The following USH2A variants were observed in gnomAD, a reference collection of about 807,000 sequenced individuals.
USH2A encodes usherin.
USH2A carries 443 observed loss-of-function variants against 538.9 expected under a neutral mutation model. The observed-to-expected ratio is 0.82, with a 90% confidence interval of 0.76 to 0.89. The LOEUF is 0.89. USH2A is among the 40% of genes least tolerant of loss of function. The pLI, the probability that USH2A is intolerant of heterozygous loss-of-function variation, is 0.00. For missense variants in USH2A, 6,633 were observed against 6,324.8 expected (o/e 1.05, Z -1.65); for synonymous variants, 2,413 against 2,273.5 (o/e 1.06, Z -1.75).
At chr1:216,380,014 C>T (rs965966005) in intron 3 of USH2A, among the ~76,000 whole-genome samples, 5 of 152,156 alleles carry the variant, frequency 3.3e-5, no homozygotes, top group Non-Finnish European at 1.5e-5. Flanking sequence ...AACTTGAATT[C>T]AAGCACTGTC....
intron 32 of USH2A, among the ~76,000 whole-genome samples, chr1:216,036,114 G>A (rs2029940087): frequency 6.6e-6 from 1 of 152,062 alleles, no homozygotes; most frequent in Non-Finnish European, 1.5e-5. Flanking sequence ...TATGGTATTG[G>A]CTAGAAGGAA....
chr1:215,986,099 C>T (rs1667866589), intron 35 of USH2A, among the ~76,000 whole-genome samples: 1 of 151,822 alleles, frequency 6.6e-6, no homozygotes, highest in African/African-American at 2.4e-5. Flanking sequence ...CTAATGGGTG[C>T]CCAGCTCTCA....
At chr1:216,300,199 A>T (rs1286130773) in intron 9 of USH2A, among the ~76,000 whole-genome samples, 1 of 152,176 alleles carries the variant, frequency 6.6e-6, no homozygotes, top group African/African-American at 2.4e-5. Flanking sequence ...TCTACCAGTG[A>T]TTTTAAAGTT....
At chr1:216,319,011 C>T (rs897475631) in intron 9 of USH2A, among the ~76,000 whole-genome samples, 1 of 152,088 alleles carries the variant, frequency 6.6e-6, no homozygotes, top group Non-Finnish European at 1.5e-5. Flanking sequence ...AGACTAATAC[C>T]GACTGACTAG....
rs73090744 is a variant in USH2A at position 215,872,690 on chromosome 1, G to T, written c.8681+5068C>A. 3.6e-3 allele frequency among the ~76,000 whole-genome samples: 551 copies of T among 152,064 alleles called. 2 individuals are homozygous for T. Among genetic ancestry groups the T allele is most frequent in the African/African-American group, 0.012 (512 of 41,478 alleles). On this transcript the variant is annotated intron_variant, in intron 43 of 71. Coordinates refer to ENST00000307340, the MANE Select transcript of USH2A (RefSeq NM_206933.4). ...ATTTGTCCCCTCCAAATCTTATGTTGAAATGTGATCACCAATGTTGAATGT... is the reference window on the plus strand; with the variant it reads ...ATTTGTCCCCTCCAAATCTTATGTTTAAATGTGATCACCAATGTTGAATGT...
intron 14 of USH2A, among the ~76,000 whole-genome samples, chr1:216,225,949 T>G (rs1446348340): frequency 2.0e-5 from 3 of 152,096 alleles, no homozygotes; most frequent in Non-Finnish European, 4.4e-5. Context: ...TGAAAGCCAT[T>G]AACATGTATG....
chr1:216,281,677 T>C (rs1314262479), intron 11 of USH2A, among the ~76,000 whole-genome samples: 1 of 152,122 alleles, frequency 6.6e-6, no homozygotes, highest in African/African-American at 2.4e-5. Context: ...CATTCACCAA[T>C]AAGATTTTAT....
chr1:216,006,846 G>A (rs529260743), intron 32 of USH2A, among the ~76,000 whole-genome samples: 11 of 152,168 alleles, frequency 7.2e-5, no homozygotes, highest in East Asian at 5.8e-4. Context: ...TATTTCTTCC[G>A]TCCTTCCCTG....
intron 60 of USH2A, among the ~76,000 whole-genome samples, chr1:215,729,339 C>A (rs1012004543): frequency 2.0e-5 from 3 of 152,198 alleles, no homozygotes; most frequent in Non-Finnish European, 1.5e-5. Flanking sequence ...CACTTAATTT[C>A]TCTTCATTTG....
intron 44 of USH2A, among the ~76,000 whole-genome samples, chr1:215,855,063 T>C (rs565912018): frequency 2.0e-5 from 3 of 152,208 alleles, no homozygotes; most frequent in Non-Finnish European, 2.9e-5. Context: ...GAGGACTCTC[T>C]TACCATCCCT....
At chr1:216,181,829 C>G (rs1396728301) in intron 20 of USH2A, among the ~76,000 whole-genome samples, 2 of 152,084 alleles carry the variant, frequency 1.3e-5, no homozygotes, top group Non-Finnish European at 2.9e-5. Context: ...TCATCATTTT[C>G]AAGTCTCCTG....
intron 9 of USH2A, among the ~76,000 whole-genome samples, chr1:216,303,443 G>A (rs988051885): frequency 2.6e-5 from 4 of 151,754 alleles, no homozygotes; most frequent in Non-Finnish European, 5.9e-5. Flanking sequence ...GAAGTATAAG[G>A]CGTTATTGAT....
At chr1:216,046,717 T>C in intron 31 of USH2A, 125 bp from the exon 32 acceptor site, 2 of 1,139,426 alleles carry the variant, frequency 1.8e-6, no homozygotes, top group Middle Eastern at 2.8e-4. Flanking sequence ...TCCCGATTCG[T>C]GGGCAGCTTG....
chr1:215,737,002 C>T (rs552744426), intron 60 of USH2A, among the ~76,000 whole-genome samples: 22 of 151,912 alleles, frequency 1.4e-4, no homozygotes, highest in Non-Finnish European at 2.2e-4. Context: ...GTATACTTAC[C>T]GTAAGAATAT....
chr1:215,849,612 C>T lies in USH2A; in HGVS notation c.8846-3579G>A, dbSNP rs73090737. ...AAACCTTACCCAAAATGACTTATGT[C>T]TACAAACTGAATAGACTAATACAGT... On this transcript the variant is annotated intron_variant, in intron 44 of 71. Transcript: ENST00000307340. 3.9e-3 allele frequency among the ~76,000 whole-genome samples: 601 copies of T among 152,182 alleles called. 4 individuals carry two copies. The highest frequency in any genetic ancestry group is 0.013 in the African/African-American group (557 of 41,546).
At chr1:216,379,467 A>T (rs1341491877) in intron 3 of USH2A, among the ~76,000 whole-genome samples, 1 of 152,094 alleles carries the variant, frequency 6.6e-6, no homozygotes, top group Non-Finnish European at 1.5e-5. Context: ...AAAAAAAAGC[A>T]GAAAACCAGT....
At chr1:216,034,242 A>G (rs1571905491) in intron 32 of USH2A, among the ~76,000 whole-genome samples, 1 of 152,298 alleles carries the variant, frequency 6.6e-6, no homozygotes, top group African/African-American at 2.4e-5. Context: ...TGAGAAGGTG[A>G]GGTATCACAG....
intron 32 of USH2A, among the ~76,000 whole-genome samples, chr1:216,022,062 A>G (rs1367835963): frequency 2.6e-5 from 4 of 152,004 alleles, no homozygotes; most frequent in African/African-American, 7.3e-5. Context: ...TTCTCTCATC[A>G]TGATATATCT....
chr1:215,822,322 T>C (rs1663035301), intron 47 of USH2A, among the ~76,000 whole-genome samples: 1 of 151,944 alleles, frequency 6.6e-6, no homozygotes, highest in African/African-American at 2.4e-5. Context: ...TAGTTTTACT[T>C]GTATAGATAT....
Sources: allele counts gnomAD v4.1 joint callset (sites outside exome capture counted in the v4.1 genomes callset), GRCh38; gene constraint gnomAD v4.1.1; transcripts MANE v1.5; gene names NCBI Gene and HGNC (gene_info 2026-07-23, HGNC 2026-07-21).